The following DMRTB1 variants were observed in gnomAD, a reference collection of about 807,000 sequenced individuals.
The protein encoded by DMRTB1 is doublesex- and mab-3-related transcription factor B1.
A neutral mutation model predicts 25.2 loss-of-function variants in DMRTB1; 9 were observed. The observed-to-expected ratio is 0.36, with a 90% CI of 0.22 to 0.62. The LOEUF (loss-of-function observed/expected upper bound fraction) is 0.62, where lower values mean the gene tolerates loss of function less well. Among genes scored for constraint, DMRTB1 ranks in the 20% least tolerant of loss-of-function variants. The probability of loss-of-function intolerance (pLI) is 0.71; values close to 1 mark genes in which losing one functional copy is unlikely to be tolerated. For synonymous variants in DMRTB1, 269 were observed against 238.1 expected, an observed-to-expected ratio of 1.13 and a Z score of -1.20; for missense variants, 551 against 499.3, an observed-to-expected ratio of 1.10 and a Z score of -0.99.
rs1202742490 is a variant in DMRTB1, at chr1:53,459,474, C to T, written c.21C>T (p.Arg7=). The T allele has an allele frequency of 6.2e-7, 1 of 1,613,156 alleles. No homozygotes were observed. Among genetic ancestry groups the T allele is most frequent in the Non-Finnish European group, 8.5e-7 (1 of 1,179,998 alleles). ...TGCCAATGGCCGACAAAATGGTGCG[C>T]ACCCCCAAGTGCTCGAGATGCAGGA... The part of the protein sequence containing the change: MADKMV[R]TPKCSRCRNH... Residue 7 remains arginine (R), a synonymous_variant, in exon 1 of 4, where the codon CGC becomes CGT. Transcript: ENST00000371445.
chr1:53,459,835 A>C lies in DMRTB1; in HGVS notation c.382A>C (p.Asn128His), dbSNP rs1257190172. The change falls in exon 1 of 4, where the codon AAC becomes CAC. Residue 128 changes from asparagine to histidine, a missense_variant. Asn to His is a moderately conservative substitution (Grantham distance 68). Transcript: ENST00000371445. Reference protein sequence around the residue: ...CFFEQPPRGRNPGPRALQPVL... With the variant: ...CFFEQPPRGRHPGPRALQPVL... ...CTTCGAGCAGCCCCCGCGGGGCCGG[A>C]ACCCCGGCCCGAGAGCCCTCCAGCC... 6.8e-6 allele frequency: 10 copies of C among 1,471,908 alleles called. No homozygotes were observed. Among genetic ancestry groups the C allele is most frequent in the Admixed American group, 2.4e-5 (1 of 41,354 alleles). 91.2% of individuals were successfully genotyped at this position (1,471,908 alleles called of 1,614,324 possible). A position where few individuals can be genotyped will look rare whatever the true frequency, so the allele number is the denominator to read the frequency against.
In DMRTB1 at chr1:53,459,607, G is replaced by T; in HGVS notation, c.154G>T (p.Ala52Ser). 1 of 1,586,610 alleles carries T rather than the reference G, an allele frequency of 6.3e-7. No individual in the cohort carries two copies. Among genetic ancestry groups the T allele is most frequent in the Non-Finnish European group, 8.6e-7 (1 of 1,166,800 alleles). Residue 52 changes from alanine (A) to serine (S), a missense_variant, in exon 1 of 4, where the codon GCG becomes TCG. Ala to Ser is a moderately conservative substitution (Grantham distance 99). Coordinates refer to ENST00000371445, the MANE Select transcript of DMRTB1 (RefSeq NM_033067.3). ...LISERQKIMA[A>S]QKVLKTQAAE... ...CTCCGAGCGCCAGAAGATCATGGCC[G>T]CGCAGAAGGTGCTCAAGACGCAGGC...
rs371372052 is a variant in DMRTB1, at chr1:53,464,854, G to A, written c.961+7G>A. 12 of 1,613,652 alleles carry A rather than the reference G, an allele frequency of 7.4e-6. No homozygotes were observed. The highest frequency in any genetic ancestry group is 9.3e-6 in the Non-Finnish European group (11 of 1,180,034). On this transcript the variant is annotated splice_region_variant and intron_variant, in intron 3 of 3. Coordinates refer to ENST00000371445, the MANE Select transcript of DMRTB1 (RefSeq NM_033067.3). ...ACTGACAAGGAGAACACTGGTGAGTGAGCTCCAGTCTTCCAGCTTCAGCGA... is the reference window on the plus strand; with the variant it reads ...ACTGACAAGGAGAACACTGGTGAGTAAGCTCCAGTCTTCCAGCTTCAGCGA...
chr1:53,466,508 A>G (rs78070589), intron 3 of DMRTB1, 87 bp from the exon 4 acceptor site: 164,085 of 1,354,612 alleles, frequency 0.12, 10,521 homozygotes, highest in South Asian at 0.15. Flanking sequence ...TTAAAATAAA[A>G]TAAGAAAAAA....
In DMRTB1 at chr1:53,461,548, G is replaced by A; in HGVS notation, c.653G>A (p.Cys218Tyr). Residue 218 changes from cysteine (C) to tyrosine (Y), a missense_variant, in exon 2 of 4, where the codon TGC (cysteine) becomes TAC (tyrosine). Coordinates refer to ENST00000371445, the MANE Select transcript of DMRTB1 (RefSeq NM_033067.3). ...YPGGSSMHPY[C>Y]PFPLGYLDAP... ...GGTGGCTCCAGCATGCACCCCTACT[G>A]CCCGTTCCCGCTGGGCTACCTGGAC... 6.2e-7 allele frequency: 1 copy of A among 1,612,270 alleles called. No homozygotes were observed. Among genetic ancestry groups the A allele is most frequent in the Non-Finnish European group, 8.5e-7 (1 of 1,179,228 alleles).
At chr1:53,460,109 G>C in intron 1 of DMRTB1, 79 bp downstream of exon 1, 2 of 1,436,644 alleles carry the variant, frequency 1.4e-6, no homozygotes, top group Non-Finnish European at 1.8e-6. Flanking sequence ...CTGGCATAGG[G>C]GTTCGGGGTG....
chr1:53,461,393 T>A, intron 1 of DMRTB1, 80 bp from the exon 2 acceptor site: 1 of 1,427,340 alleles, frequency 7.0e-7, no homozygotes, highest in Non-Finnish European at 9.3e-7. Flanking sequence ...GCAGCGCTGA[T>A]GACCCCGCCG....
rs1325682727 is a variant in DMRTB1 at position 53,459,593 on chromosome 1, A to G, written c.140A>G (p.Gln47Arg). The G allele has an allele frequency of 6.3e-7, 1 of 1,599,374 alleles. No homozygotes were observed. Among genetic ancestry groups the G allele is most frequent in the East Asian group, 2.3e-5 (1 of 44,302 alleles). The change falls in exon 1 of 4, where the codon CAG (glutamine) becomes CGG (arginine). Residue 47 changes from glutamine to arginine, a missense_variant. Transcript: ENST00000371445. ...CEKCYLISER[Q>R]KIMAAQKVLK... ...AAGTGCTACCTGATCTCCGAGCGCC[A>G]GAAGATCATGGCCGCGCAGAAGGTG...
chr1:53,459,629 A>C lies in DMRTB1; in HGVS notation c.176A>C (p.Gln59Pro). 1 of 1,565,154 alleles carries C rather than the reference A, an allele frequency of 6.4e-7. No homozygotes were observed. The highest frequency in any genetic ancestry group is 8.7e-7 in the Non-Finnish European group (1 of 1,155,914). The change falls in exon 1 of 4, where the codon CAG (glutamine) becomes CCG (proline). Residue 59 changes from glutamine (Q) to proline (P), a missense_variant. Transcript: ENST00000371445. ...GCCGCGCAGAAGGTGCTCAAGACGC[A>C]GGCCGCCGAGGAGGAGCAGGAGGCG... is the stretch of plus-strand genomic sequence containing the variant. ...IMAAQKVLKT[Q>P]AAEEEQEAAL...
intron 2 of DMRTB1, among the ~76,000 whole-genome samples, 182 bp downstream of exon 2, chr1:53,461,827 G>T (rs1452267649): frequency 6.6e-6 from 1 of 152,214 alleles, no homozygotes; most frequent in Non-Finnish European, 1.5e-5. Flanking sequence ...GGGAGCACAC[G>T]TGTGGACCAG....
At chr1:53,463,196 C>A (rs561033054) in intron 2 of DMRTB1, among the ~76,000 whole-genome samples, 3 of 152,330 alleles carry the variant, frequency 2.0e-5, no homozygotes, top group African/African-American at 7.2e-5. Flanking sequence ...TGTTTCAAAC[C>A]CAAGAGCCCC....
In DMRTB1 at chr1:53,466,676, C is replaced by G; in HGVS notation, c.*14C>G. 2 of 1,613,942 alleles carry G rather than the reference C, an allele frequency of 1.2e-6. No individual in the cohort carries two copies. Among genetic ancestry groups the G allele is most frequent in the Non-Finnish European group, 1.7e-6 (2 of 1,179,954 alleles). On this transcript the variant is annotated 3_prime_UTR_variant, in exon 4 of 4. Transcript: ENST00000371445. ...CAGTCCGACTAGGCCCCAGGCCCGCCCTCCTGGCCAGCAGAGTGGGGCACT... is the reference window on the plus strand; with the variant it reads ...CAGTCCGACTAGGCCCCAGGCCCGCGCTCCTGGCCAGCAGAGTGGGGCACT...
Position 53,459,756 on chromosome 1 carries a change from G to T in DMRTB1, c.303G>T (p.Gly101=), listed in dbSNP as rs1231876735. The T allele has an allele frequency of 1.5e-6, 2 of 1,363,766 alleles. No individual in the cohort carries two copies. The highest frequency in any genetic ancestry group is 1.9e-6 in the Non-Finnish European group (2 of 1,061,638). The allele number at this position is 1,363,766 out of a possible 1,614,324, so 84.5% of individuals were successfully genotyped here. A position where few individuals can be genotyped will look rare whatever the true frequency, so the allele number is the denominator to read the frequency against. ...CGAGCCTCCGCCCGCTGTCCCCGGG[G>T]ACTCCCTCCGGAGACGCCGACCCGG... The part of the protein sequence containing the change: ...PAASLRPLSP[G]TPSGDADPGP... Residue 101 remains glycine (G), a synonymous_variant, in exon 1 of 4, where the codon GGG becomes GGT. Coordinates refer to ENST00000371445, the MANE Select transcript of DMRTB1 (RefSeq NM_033067.3).
At chr1:53,463,895 G>T (rs1394351316) in intron 2 of DMRTB1, among the ~76,000 whole-genome samples, 5 of 152,192 alleles carry the variant, frequency 3.3e-5, no homozygotes, top group African/African-American at 1.2e-4. Flanking sequence ...TAAGCTCTGA[G>T]TTGTGCAGTC....
In DMRTB1 at chr1:53,459,430, G is replaced by A; in HGVS notation, c.-24G>A. 6.2e-7 allele frequency: 1 copy of A among 1,612,802 alleles called. No homozygotes were observed. Among genetic ancestry groups the A allele is most frequent in the Non-Finnish European group, 8.5e-7 (1 of 1,179,922 alleles). On this transcript the variant is annotated 5_prime_UTR_variant, in exon 1 of 4. The change creates a new upstream start codon in the 5' untranslated region. Transcript: ENST00000371445. ...TCTGCAGCTCCCAGAGGTGGTGGTT[G>A]TGTTACGAAGGCTGACCCTGCCAAT...
At chr1:53,462,635 G>GA (rs1277143566) in intron 2 of DMRTB1, among the ~76,000 whole-genome samples, 2 of 152,134 alleles carry the variant, frequency 1.3e-5, no homozygotes, top group Non-Finnish European at 2.9e-5. Context: ...GTAGCATCGA[G>GA]AAAAAAAGGC....
rs1644056200 is a variant in DMRTB1 at position 53,467,388 on chromosome 1, T to A, written c.*726T>A. The A allele has an allele frequency of 6.6e-6, 1 of 152,424 alleles. No homozygotes were observed. The highest frequency in any genetic ancestry group is 1.5e-5 in the Non-Finnish European group (1 of 68,086). 9.4% of individuals were successfully genotyped at this position (152,424 alleles called of 1,614,324 possible). ...AAAGTAGGCTGTTCATAAGCACTGA[T>A]GCAGTCCCTAGGGAATAGAATGGTG... is the stretch of plus-strand genomic sequence containing the variant. On this transcript the variant is annotated 3_prime_UTR_variant, in exon 4 of 4. Coordinates refer to ENST00000371445, the MANE Select transcript of DMRTB1 (RefSeq NM_033067.3).
Position 53,459,980 on chromosome 1 carries a change from A to G in DMRTB1, c.527A>G (p.Asp176Gly). 6.3e-7 allele frequency: 1 copy of G among 1,584,956 alleles called. No homozygotes were observed. Among genetic ancestry groups the G allele is most frequent in the Non-Finnish European group, 8.5e-7 (1 of 1,174,548 alleles). Residue 176 changes from aspartate to glycine, a missense_variant, in exon 1 of 4, where the codon GAC becomes GGC. Transcript: ENST00000371445. ...AAGSGYPGPL[D>G]LRRPMRTVPG... ...GGCAGTGGCTACCCTGGCCCCCTAGACCTGCGCAGGCCGATGCGGACCGTG... is the reference window on the plus strand; with the variant it reads ...GGCAGTGGCTACCCTGGCCCCCTAGGCCTGCGCAGGCCGATGCGGACCGTG...
chr1:53,459,793 C>G lies in DMRTB1; in HGVS notation c.340C>G (p.Arg114Gly). ...AGACGCCGACCCGGGACCCGAGGGC[C>G]GCGCGGCCGCTTGCTTCTTCGAGCA... Reference protein sequence around the residue: ...SGDADPGPEGRAAACFFEQPP... With the variant: ...SGDADPGPEGGAAACFFEQPP... Residue 114 changes from arginine to glycine, a missense_variant, in exon 1 of 4, where the codon CGC becomes GGC. Arg to Gly is a moderately radical substitution (Grantham distance 125). Coordinates refer to ENST00000371445, the MANE Select transcript of DMRTB1 (RefSeq NM_033067.3). 1 of 1,407,284 alleles carries G rather than the reference C, an allele frequency of 7.1e-7. No homozygotes were observed. The highest frequency in any genetic ancestry group is 9.2e-7 in the Non-Finnish European group (1 of 1,085,346). The allele number at this position is 1,407,284 out of a possible 1,614,324, so 87.2% of individuals were successfully genotyped here.
Sources: gnomAD v4.1 joint callset for allele counts (sites outside exome capture counted in the v4.1 genomes callset) on GRCh38, gnomAD v4.1.1 for gene constraint, MANE v1.5 for transcripts, NCBI Gene and HGNC (gene_info 2026-07-23, HGNC 2026-07-21) for gene names.